Variants in NLGN1 observed in about 807,000 individuals in gnomAD.
NLGN1 encodes the protein neuroligin-1.
Under a neutral mutation model 65.5 loss-of-function variants are expected in NLGN1, and 12 were observed. That is an observed-to-expected ratio of 0.18 (90% CI 0.12 to 0.30). NLGN1 has a LOEUF of 0.30. NLGN1 is among the 10% of genes least tolerant of loss of function. The pLI is 1.00. For missense variants in NLGN1, 750 were observed against 1,007.1 expected (o/e 0.74, Z 3.46); for synonymous variants, 350 against 359.5 (o/e 0.97, Z 0.30).
intron 4 of NLGN1, among the ~76,000 whole-genome samples, chr3:174,266,083 T>G (rs756402094): frequency 5.1e-4 from 77 of 150,762 alleles, no homozygotes; most frequent in Non-Finnish European, 8.1e-4. Flanking sequence ...TTAGGTGCAG[T>G]GGCTATATGT....
At chr3:174,105,953 G>A (rs975154819) in intron 4 of NLGN1, among the ~76,000 whole-genome samples, 3 of 152,034 alleles carry the variant, frequency 2.0e-5, no homozygotes, top group African/African-American at 7.2e-5. Context: ...TTTTTTGACT[G>A]ATATGCTGGA....
chr3:174,116,855 C>T, intron 4 of NLGN1, among the ~76,000 whole-genome samples: 1 of 152,028 alleles, frequency 6.6e-6, no homozygotes, highest in East Asian at 1.9e-4. Context: ...TTTACTTATT[C>T]TATCTTCTCA....
chr3:173,659,586 A>G (rs1294877057), intron 3 of NLGN1, among the ~76,000 whole-genome samples: 2 of 151,944 alleles, frequency 1.3e-5, no homozygotes, highest in Non-Finnish European at 1.5e-5. Flanking sequence ...GCCTTGGGCC[A>G]CAGAGTCTTC....
chr3:173,608,001 TGCCAATTACAA>T (rs910173792), intron 3 of NLGN1, among the ~76,000 whole-genome samples: 7 of 151,816 alleles, frequency 4.6e-5, no homozygotes, highest in Non-Finnish European at 8.8e-5. Flanking sequence ...ATTTCCTAAT[TGCCAATTACAA>T]GCCACATACT....
Position 174,142,439 on chromosome 3 carries a change from G to A in NLGN1, c.647-132876G>A, listed in dbSNP as rs1418257535. ...TTGACCTGATACATATGTATAAGTC[G>A]TTCTCAATGGGTATGTGCCTAGGTG... On this transcript the variant is annotated intron_variant, in intron 4 of 6. Transcript: ENST00000457714. 2.6e-5 allele frequency among the ~76,000 whole-genome samples: 4 copies of A among 152,182 alleles called. No individual in the cohort carries two copies. The South Asian group carries it at 8.3e-4, about 32-fold the overall frequency.
In NLGN1 at chr3:173,921,755, C is replaced by T. The variant is rs1045266406; in HGVS notation, c.646+113923C>T. 4.6e-5 allele frequency among the ~76,000 whole-genome samples: 7 copies of T among 151,988 alleles called. No homozygotes were observed. In the East Asian group the frequency reaches 7.7e-4, roughly 17 times the overall value. On this transcript the variant is annotated intron_variant, in intron 4 of 6. Transcript: ENST00000457714. ...TCTCATCAGGATGTTCCTTCTTCTA[C>T]GTATAAAACCTTTGAAAATACGGTT... is the stretch of plus-strand genomic sequence containing the variant.
chr3:173,599,664 G>C (rs1343177640), intron 2 of NLGN1, among the ~76,000 whole-genome samples: 1 of 152,048 alleles, frequency 6.6e-6, no homozygotes, highest in African/African-American at 2.4e-5. Context: ...TAATAAGCTA[G>C]GGTGGCCTGA....
In NLGN1 at chr3:173,847,008, T is replaced by G. The variant is rs544545014; in HGVS notation, c.646+39176T>G. On this transcript the variant is annotated intron_variant, in intron 4 of 6. Transcript: ENST00000457714. ...AAAGCCTTGTTTTAGTGAATACCTT[T>G]TTTTTAATTGTGTTATGAATGCACA... Among the ~76,000 whole-genome samples, 11 of 152,346 alleles carry G rather than the reference T, an allele frequency of 7.2e-5. No individual in the cohort carries two copies. In the South Asian group the frequency reaches 2.3e-3, roughly 32 times the overall value.
At chr3:174,185,119 T>A (rs1731157766) in intron 4 of NLGN1, among the ~76,000 whole-genome samples, 1 of 152,136 alleles carries the variant, frequency 6.6e-6, no homozygotes, top group Non-Finnish European at 1.5e-5. Context: ...GTTTTTGGCT[T>A]CCTTGAACCC....
intron 4 of NLGN1, among the ~76,000 whole-genome samples, chr3:174,011,108 A>G (rs1289011239): frequency 6.6e-6 from 1 of 152,154 alleles, no homozygotes; most frequent in Non-Finnish European, 1.5e-5. Flanking sequence ...AGTAAAGGTA[A>G]CTGTTTCATA....
chr3:174,124,002 G>T (rs1448581320), intron 4 of NLGN1, among the ~76,000 whole-genome samples: 2 of 152,024 alleles, frequency 1.3e-5, no homozygotes, highest in Non-Finnish European at 2.9e-5. Context: ...GTCTTTAGGA[G>T]ATAATTAAGA....
At chr3:173,552,333 A>G (rs1363814832) in intron 2 of NLGN1, among the ~76,000 whole-genome samples, 1 of 152,216 alleles carries the variant, frequency 6.6e-6, no homozygotes, top group Non-Finnish European at 1.5e-5. Flanking sequence ...ACCTTTAACT[A>G]TGCAGAAATA....
At chr3:174,065,753 T>C (rs1325920720) in intron 4 of NLGN1, among the ~76,000 whole-genome samples, 2 of 151,996 alleles carry the variant, frequency 1.3e-5, no homozygotes, top group Admixed American at 6.6e-5. Flanking sequence ...GTTTCCCTTG[T>C]ACTCTCTCCC....
At chr3:173,613,099 G>A (rs1396471108) in intron 3 of NLGN1, among the ~76,000 whole-genome samples, 2 of 151,968 alleles carry the variant, frequency 1.3e-5, no homozygotes, top group East Asian at 1.9e-4. Flanking sequence ...TAGAATTTTG[G>A]GGAGACACAA....
chr3:174,259,362 A>C (rs1746405583), intron 4 of NLGN1, among the ~76,000 whole-genome samples: 1 of 151,716 alleles, frequency 6.6e-6, no homozygotes, highest in Non-Finnish European at 1.5e-5. Context: ...TTTCTCACAC[A>C]TCACCTCTCT....
chr3:173,855,678 A>G (rs1376681776), intron 4 of NLGN1, among the ~76,000 whole-genome samples: 1 of 152,106 alleles, frequency 6.6e-6, no homozygotes, highest in African/African-American at 2.4e-5. Context: ...GTTCCACCAA[A>G]CGTCTATTAT....
Position 174,280,778 on chromosome 3 carries a change from C to A in NLGN1, c.1947C>A (p.Ala649=). 6.2e-7 allele frequency: 1 copy of A among 1,613,396 alleles called. No homozygotes were observed. The highest frequency in any genetic ancestry group is 1.7e-4 in the Middle Eastern group (1 of 6,052). ...AAAATTCTGTACCTGTCACGTCAGC[C>A]TTTCCCACTGCCAAGCAGGATGATC... The change falls in exon 7 of 7, where the codon GCC becomes GCA. Residue 649 remains alanine (A), a synonymous_variant. Transcript: ENST00000457714. This position sits in a 1 kb window ranked among gnomAD's most constrained non-coding sequence, Gnocchi z 4.9.
chr3:173,556,491 CTA>C (rs1741720344), intron 2 of NLGN1, among the ~76,000 whole-genome samples: 1 of 151,972 alleles, frequency 6.6e-6, no homozygotes, highest in African/African-American at 2.4e-5. Flanking sequence ...TTCTTAATTT[CTA>C]AATATATGGA....
chr3:173,711,929 A>C (rs1169477946), intron 3 of NLGN1, among the ~76,000 whole-genome samples: 3 of 152,188 alleles, frequency 2.0e-5, no homozygotes, highest in Non-Finnish European at 4.4e-5. Context: ...GCAGAGGCCA[A>C]GGCTGATCAC....
Sources: gnomAD v4.1 joint callset for allele counts (sites outside exome capture counted in the v4.1 genomes callset) on GRCh38, gnomAD v4.1.1 for gene constraint, Gnocchi (gnomAD v3.1) non-coding constraint, MANE v1.5 for transcripts, NCBI Gene and HGNC (gene_info 2026-07-23, HGNC 2026-07-21) for gene names.